The following ESRP1 variants were observed in gnomAD, a reference collection of about 807,000 sequenced individuals.
The protein encoded by ESRP1 is RNA-binding motif protein 35A.
ESRP1 carries 33 observed loss-of-function variants against 81.7 expected under a neutral mutation model. The ratio of observed to expected loss-of-function variants is 0.40; its 90% CI spans 0.31 to 0.54. ESRP1 has a LOEUF of 0.54. Ranked by LOEUF, ESRP1 falls within the 20% of genes least tolerant of loss-of-function variation. The pLI is 0.41. For synonymous variants in ESRP1, 320 were observed against 303.3 expected (o/e 1.06, Z -0.57); for missense variants, 672 against 833.1 (o/e 0.81, Z 2.38).
intron 4 of ESRP1, among the ~76,000 whole-genome samples, chr8:94,651,239 C>CTT (rs35413910): frequency 0.013 from 1,364 of 102,544 alleles, 10 homozygotes; most frequent in African/African-American, 0.021. Flanking sequence ...ATAGTGTGGT[C>CTT]TTTTTTTTTT....
At chr8:94,671,771 A>T in intron 11 of ESRP1, 100 bp downstream of exon 11, 1 of 714,542 alleles carries the variant, frequency 1.4e-6, no homozygotes, top group Non-Finnish European at 2.1e-6. Flanking sequence ...AATATCTAAT[A>T]TTAGATATTA....
intron 4 of ESRP1, among the ~76,000 whole-genome samples, chr8:94,651,673 A>G (rs188192021): frequency 6.6e-6 from 1 of 151,598 alleles, no homozygotes; most frequent in Admixed American, 6.6e-5. Flanking sequence ...CTGGAGTGCA[A>G]TGATGCAATC....
chr8:94,678,126 G>T, intron 12 of ESRP1, 77 bp from the exon 13 acceptor site: 2 of 1,448,146 alleles, frequency 1.4e-6, no homozygotes, highest in South Asian at 1.3e-5. Flanking sequence ...ATGGAACAGT[G>T]ACTATGTTTT....
At chr8:94,655,063 TTTTGTG>T (rs906923164) in intron 4 of ESRP1, among the ~76,000 whole-genome samples, 7 of 127,468 alleles carry the variant, frequency 5.5e-5, no homozygotes, top group African/African-American at 1.0e-4. Context: ...TTTTTGGGTT[TTTTGTG>T]TGTGTGTGTG....
chr8:94,681,285 C>T (rs1808867615), intron 13 of ESRP1, among the ~76,000 whole-genome samples: 1 of 128,280 alleles, frequency 7.8e-6, no homozygotes, highest in Non-Finnish European at 1.6e-5. Context: ...AAGATCATGT[C>T]ACTGCACTCC....
At chr8:94,645,757 CA>C (rs1817815252) in intron 3 of ESRP1, among the ~76,000 whole-genome samples, 1 of 152,182 alleles carries the variant, frequency 6.6e-6, no homozygotes, top group African/African-American at 2.4e-5. Context: ...CCCAGTTTTA[CA>C]ATCTAATCCC....
chr8:94,699,721 A>T (rs143374575), intron 15 of ESRP1, among the ~76,000 whole-genome samples: 1 of 152,218 alleles, frequency 6.6e-6, no homozygotes, highest in Non-Finnish European at 1.5e-5. Context: ...ACTCTAGGAG[A>T]TAGGATTATA....
At chr8:94,684,296 G>A (rs1295653626) in intron 13 of ESRP1, among the ~76,000 whole-genome samples, 1 of 152,174 alleles carries the variant, frequency 6.6e-6, no homozygotes, top group Non-Finnish European at 1.5e-5. Flanking sequence ...TTCTCTGAGT[G>A]GTAGAAGTGC....
chr8:94,651,893 G>A (rs748105353), intron 4 of ESRP1, among the ~76,000 whole-genome samples: 2 of 151,712 alleles, frequency 1.3e-5, no homozygotes, highest in Non-Finnish European at 2.9e-5. Flanking sequence ...TTATAGGCGT[G>A]AGCCGCCACA....
intron 15 of ESRP1, among the ~76,000 whole-genome samples, chr8:94,699,074 T>C (rs1266964942): frequency 6.6e-6 from 1 of 152,218 alleles, no homozygotes; most frequent in Non-Finnish European, 1.5e-5. Context: ...TTGAACACCA[T>C]GTTGTTTATG....
chr8:94,683,508 T>C (rs188179141), intron 13 of ESRP1, among the ~76,000 whole-genome samples: 173 of 152,336 alleles, frequency 1.1e-3, no homozygotes, highest in Non-Finnish European at 1.7e-3. Flanking sequence ...TTTATCCCAA[T>C]GGTAACATAT....
At position 94,674,354 on chromosome 8, in the gene ESRP1, G is replaced by C. The variant is rs1046848960; in HGVS notation, c.1499G>C (p.Arg500Thr). The change falls in exon 12 of 16, where the codon AGA (arginine) becomes ACA (threonine). Residue 500 changes from arginine to threonine, a missense_variant. Transcript: ENST00000433389. The part of the protein sequence containing the change: ...DAFIQMKSAD[R>T]AFMAAQKCHK... The stretch of plus-strand genomic sequence containing the variant: ...TTTATCCAGATGAAGTCTGCGGACA[G>C]AGCATTTATGGCTGCACAGAAGTGT... 6.2e-7 allele frequency: 1 copy of C among 1,614,010 alleles called. No homozygotes were observed. Among genetic ancestry groups the C allele is most frequent in the Non-Finnish European group, 8.5e-7 (1 of 1,179,890 alleles).
chr8:94,664,442 T>C lies in ESRP1; in HGVS notation c.645-255T>C, dbSNP rs145673159. On this transcript the variant is annotated intron_variant, in intron 6 of 15. Transcript: ENST00000433389. ...CCTGGCCTTCCTCAGCTTTGATAGATAGATGGTTTGCTGAGTGAGCTAGCT... is the reference window on the plus strand; with the variant it reads ...CCTGGCCTTCCTCAGCTTTGATAGACAGATGGTTTGCTGAGTGAGCTAGCT... Among the ~76,000 whole-genome samples, 471 of 152,232 alleles carry C rather than the reference T, an allele frequency of 3.1e-3. 2 individuals carry two copies. The highest frequency in any genetic ancestry group is 0.011 in the African/African-American group (448 of 41,550).
At chr8:94,679,615 T>C (rs1259773401) in intron 13 of ESRP1, among the ~76,000 whole-genome samples, 1 of 152,206 alleles carries the variant, frequency 6.6e-6, no homozygotes, top group Non-Finnish European at 1.5e-5. Flanking sequence ...CATTTATGGC[T>C]TAATAGCTCC....
At chr8:94,641,680 C>G in intron 1 of ESRP1, 1 of 734,874 alleles carries the variant, frequency 1.4e-6, no homozygotes, top group Non-Finnish European at 2.1e-6. Context: ...CCGGCGCTAC[C>G]GAGCCGGGTT....
At chr8:94,668,789 A>ATATGTGTGTGTGTGTGTGTGTGTGTGTG (rs1554577934) in intron 10 of ESRP1, among the ~76,000 whole-genome samples, 1 of 143,774 alleles carries the variant, frequency 7.0e-6, no homozygotes, top group African/African-American at 2.7e-5. Flanking sequence ...AGCTTTCAGC[A>ATATGTGTGTGTGTGTGTGTGTGTGTGTG]TGTGTGTGTG....
intron 4 of ESRP1, among the ~76,000 whole-genome samples, chr8:94,648,192 G>T (rs1817938261): frequency 6.6e-6 from 1 of 152,120 alleles, no homozygotes; most frequent in East Asian, 1.9e-4. Flanking sequence ...AGGAAGTCGA[G>T]GCTGCAGTGA....
intron 14 of ESRP1, among the ~76,000 whole-genome samples, chr8:94,695,084 G>A (rs904011785): frequency 1.1e-4 from 16 of 151,912 alleles, no homozygotes; most frequent in Admixed American, 7.2e-4. Flanking sequence ...TTCTTGTTTC[G>A]TGTTCTCAGT....
intron 5 of ESRP1, 35 bp from the exon 6 acceptor site, chr8:94,662,466 C>T: frequency 6.3e-7 from 1 of 1,579,082 alleles, no homozygotes. Context: ...TCTCCCTAAT[C>T]ACTAAAATGA....
Sources: gnomAD v4.1 joint callset for allele counts (sites outside exome capture counted in the v4.1 genomes callset) on GRCh38, gnomAD v4.1.1 for gene constraint, MANE v1.5 for transcripts, NCBI Gene and HGNC (gene_info 2026-07-23, HGNC 2026-07-21) for gene names.